COL28A1: variants seen among roughly 807,000 people sequenced by gnomAD.
COL28A1 encodes the protein collagen type XXVIII alpha 1 chain, also known as collagen alpha-1(XXVIII) chain.
Under a neutral mutation model 150.2 loss-of-function variants are expected in COL28A1, and 161 were observed. That is an observed-to-expected ratio of 1.07 (90% CI 0.94 to 1.22). The LOEUF is 1.22. COL28A1 is among the 50% of genes most tolerant of loss of function. COL28A1 has a pLI of 0.00. For missense variants in COL28A1, 1,617 were observed against 1,388.3 expected (o/e 1.16, Z -2.62); for synonymous variants, 552 against 469.7 (o/e 1.18, Z -2.26).
chr7:7,373,470 C>T lies in COL28A1; in HGVS notation c.2436G>A (p.Glu812=). Residue 812 remains glutamate, a synonymous_variant, in exon 32 of 35, where the codon GAG becomes GAA. Coordinates refer to ENST00000399429, the MANE Select transcript of COL28A1 (RefSeq NM_001037763.3). This position sits in a 1 kb window ranked among gnomAD's most constrained non-coding sequence, Gnocchi z 4.1. ...CAAAATTTTTAATGATCTGAAAGTT[C>T]TCTGGCCCCACGCTTTCTGAGCTGT... ...VIDSSESVGP[E]NFQIIKNFVK... The T allele has an allele frequency of 2.5e-6, 4 of 1,614,114 alleles. No individual in the cohort carries two copies. Among genetic ancestry groups the T allele is most frequent in the Non-Finnish European group, 3.4e-6 (4 of 1,180,024 alleles).
At chr7:7,536,641 A>G (rs1010088182), upstream of COL28A1, among the ~76,000 whole-genome samples, 1 of 152,206 alleles carries the variant, frequency 6.6e-6, no homozygotes, top group Non-Finnish European at 1.5e-5. Context: ...GACAGCTAAC[A>G]GGCAGGCTTC....
At chr7:7,345,248 AAAAT>A in the COL28A1 span, among the ~76,000 whole-genome samples, 1 of 152,206 alleles carries the variant, frequency 6.6e-6, no homozygotes, top group South Asian at 2.1e-4. Context: ...TATTGAGAGA[AAAAT>A]AAAAGTTTCT....
At chr7:7,541,683 C>T in the COL28A1 span, among the ~76,000 whole-genome samples, 6 of 152,156 alleles carry the variant, frequency 3.9e-5, no homozygotes, top group Non-Finnish European at 7.4e-5. Flanking sequence ...TGATGCTGAA[C>T]GGGTGGAATA....
chr7:7,411,787 A>G (rs568217632), intron 27 of COL28A1, among the ~76,000 whole-genome samples: 1 of 152,326 alleles, frequency 6.6e-6, no homozygotes, highest in East Asian at 1.9e-4. Context: ...AAAGAAGATT[A>G]TCAATGCTCT....
chr7:7,338,333 A>G, the COL28A1 span, among the ~76,000 whole-genome samples: 1 of 152,140 alleles, frequency 6.6e-6, no homozygotes, highest in Non-Finnish European at 1.5e-5. Flanking sequence ...TTAGCATGGA[A>G]TATTTTTCCA....
the COL28A1 span, among the ~76,000 whole-genome samples, chr7:7,342,524 T>TA: frequency 6.6e-6 from 1 of 152,030 alleles, no homozygotes; most frequent in African/African-American, 2.4e-5. Flanking sequence ...TTACTTTCTT[T>TA]TTTTAGATTA....
chr7:7,394,212 C>A (rs1381230241), intron 27 of COL28A1, among the ~76,000 whole-genome samples: 1 of 152,156 alleles, frequency 6.6e-6, no homozygotes, highest in East Asian at 1.9e-4. Context: ...CTTGTGCTTT[C>A]CAGGTGAGGC....
rs150938863 is a variant in COL28A1, at chr7:7,473,401, A to C, written c.1302+1200T>G. ...TAAGGACATGAATACACAATTCTCG[A>C]GAAGATATACAAATGGCCAACAAAC... On this transcript the variant is annotated intron_variant, in intron 15 of 34. Coordinates refer to ENST00000399429, the MANE Select transcript of COL28A1 (RefSeq NM_001037763.3). Among the ~76,000 whole-genome samples the C allele has an allele frequency of 7.5e-4, 114 of 152,352 alleles. 1 individual carries two copies. Among genetic ancestry groups the C allele is most frequent in the African/African-American group, 2.5e-3 (105 of 41,588 alleles).
intron 18 of COL28A1, among the ~76,000 whole-genome samples, chr7:7,449,707 T>C (rs944928469): frequency 6.6e-6 from 1 of 151,266 alleles, no homozygotes; most frequent in Non-Finnish European, 1.5e-5. Flanking sequence ...ACAAAAAAAT[T>C]CTCCTATAGA....
chr7:7,407,719 C>A (rs991573576), intron 27 of COL28A1, among the ~76,000 whole-genome samples: 2 of 152,108 alleles, frequency 1.3e-5, no homozygotes, highest in African/African-American at 4.8e-5. Context: ...TGGTTTCAAT[C>A]TGGGATGCAA....
At chr7:7,426,865 C>T (rs1784665405) in intron 25 of COL28A1, among the ~76,000 whole-genome samples, 1 of 152,104 alleles carries the variant, frequency 6.6e-6, no homozygotes, top group Non-Finnish European at 1.5e-5. Flanking sequence ...TGGTTAGAAA[C>T]CTTGAAAACA....
At chr7:7,524,201 C>T (rs376116380) in intron 4 of COL28A1, 28 bp downstream of exon 4, 7 of 1,090,436 alleles carry the variant, frequency 6.4e-6, no homozygotes, top group African/African-American at 4.6e-5. Context: ...TGGAGTAATT[C>T]GTAGTAATCA....
At chr7:7,494,155 G>A (rs536204233) in intron 11 of COL28A1, among the ~76,000 whole-genome samples, 11 of 152,208 alleles carry the variant, frequency 7.2e-5, no homozygotes, top group African/African-American at 2.4e-4. Flanking sequence ...CAAGAGGACA[G>A]GAAGCCAATG....
At chr7:7,356,142 T>A (rs1447127945), downstream of COL28A1, 1 of 150,922 alleles carries the variant, frequency 6.6e-6, no homozygotes, top group African/African-American at 2.4e-5. Flanking sequence ...TATGGATTAG[T>A]TATACCATTG....
intron 27 of COL28A1, among the ~76,000 whole-genome samples, chr7:7,415,122 C>T (rs1470364157): frequency 6.6e-6 from 1 of 152,158 alleles, no homozygotes; most frequent in Non-Finnish European, 1.5e-5. Flanking sequence ...GCAGCTACAA[C>T]CCTTATTTCT....
At chr7:7,512,063 A>G (rs1296944349) in intron 8 of COL28A1, among the ~76,000 whole-genome samples, 1 of 152,214 alleles carries the variant, frequency 6.6e-6, no homozygotes, top group East Asian at 1.9e-4. Context: ...TTGTAACAAC[A>G]TAGATGAACC....
rs769910029 is a variant in COL28A1 at position 7,474,617 on chromosome 7, G to A, written c.1286C>T (p.Ser429Leu). The change falls in exon 15 of 35, where the codon TCA becomes TTA. Residue 429 changes from serine to leucine, a missense_variant. Ser to Leu is a moderately radical substitution (Grantham distance 145). Transcript: ENST00000399429. Reference protein sequence around the residue: ...PTGPQGLQGLSIKGEKGDIGP... With the variant: ...PTGPQGLQGLLIKGEKGDIGP... ...ATACAGTACCTTCTCCCCTTTGATT[G>A]ACAGGCCTTGTAATCCCTGTGGGCC... 1 of 1,325,142 alleles carries A rather than the reference G, an allele frequency of 7.5e-7. No homozygotes were observed. Among genetic ancestry groups the A allele is most frequent in the East Asian group, 2.3e-5 (1 of 43,566 alleles). The allele number at this position is 1,325,142 out of a possible 1,614,324, so 82.1% of individuals were successfully genotyped here.
chr7:7,449,754 T>A (rs957944174), intron 18 of COL28A1, among the ~76,000 whole-genome samples: 4 of 151,880 alleles, frequency 2.6e-5, no homozygotes, highest in Admixed American at 2.6e-4. Flanking sequence ...GAAAAAAAAT[T>A]CACAATTATA....
At chr7:7,515,104 T>C (rs1781349181) in intron 8 of COL28A1, among the ~76,000 whole-genome samples, 1 of 152,150 alleles carries the variant, frequency 6.6e-6, no homozygotes, top group African/African-American at 2.4e-5. Flanking sequence ...TGTAGCCCTG[T>C]AGGATGGAAT....
Sources: allele counts gnomAD v4.1 joint callset (sites outside exome capture counted in the v4.1 genomes callset), GRCh38; gene constraint gnomAD v4.1.1; non-coding constraint Gnocchi (gnomAD v3.1); transcripts MANE v1.5; gene names NCBI Gene and HGNC (gene_info 2026-07-23, HGNC 2026-07-21).